THAP12: variants seen among roughly 807,000 people sequenced by gnomAD.
The protein encoded by THAP12 is 52 kDa repressor of the inhibitor of the protein kinase.
In THAP12, 20 loss-of-function variants were observed where a neutral mutation model predicts 63.0. That is an observed-to-expected ratio of 0.32 (90% CI 0.22 to 0.46). THAP12 has a LOEUF of 0.46. Ranked by LOEUF, THAP12 falls within the 20% of genes least tolerant of loss-of-function variation. The probability of loss-of-function intolerance (pLI) is 1.00; values close to 1 mark genes in which losing one functional copy is unlikely to be tolerated. For synonymous variants in THAP12, 264 were observed against 328.4 expected, an observed-to-expected ratio of 0.80 and a Z score of 2.12; for missense variants, 568 against 908.2, an observed-to-expected ratio of 0.63 and a Z score of 4.81.
In THAP12 at chr11:76,350,971, A is replaced by C; in HGVS notation, c.2179T>G (p.Phe727Val). ...AAATCCAGGTCGTGTTTTATATCAA[A>C]ATTTATGTTAAGCAAAGCCAAGTTA... Reference protein sequence around the residue: ...SSNLALLNINFDIKHDLDLMV... With the variant: ...SSNLALLNINVDIKHDLDLMV... The change falls in exon 5 of 5, where the codon TTT becomes GTT. Residue 727 changes from phenylalanine to valine, a missense_variant. Coordinates refer to ENST00000260045, the MANE Select transcript of THAP12 (RefSeq NM_004705.4). 1 of 1,611,508 alleles carries C rather than the reference A, an allele frequency of 6.2e-7. No individual in the cohort carries two copies. Among genetic ancestry groups the C allele is most frequent in the East Asian group, 2.2e-5 (1 of 44,884 alleles).
rs189921609 is a variant in THAP12 at position 76,350,620 on chromosome 11, T to C, written c.*244A>G. On this transcript the variant is annotated 3_prime_UTR_variant, in exon 5 of 5. Coordinates refer to ENST00000260045, the MANE Select transcript of THAP12 (RefSeq NM_004705.4). ...TGACTTAACTGAAACAATTCCAGAG[T>C]GCCATCAACAGAGATCACGCAAAAG... 4.8e-4 allele frequency: 162 copies of C among 335,854 alleles called. 1 individual carries two copies. The highest frequency in any genetic ancestry group is 3.2e-3 in the African/African-American group (151 of 47,226). 20.8% of individuals were successfully genotyped at this position (335,854 alleles called of 1,614,324 possible).
chr11:76,360,923 GA>G (rs1376296352), intron 3 of THAP12, 32 bp downstream of exon 3: 1 of 1,387,190 alleles, frequency 7.2e-7, no homozygotes, highest in Non-Finnish European at 1.0e-6. Context: ...TATTATGGGG[GA>G]AGGTGGGAAA....
At chr11:76,355,590 A>G in intron 4 of THAP12, 28 bp downstream of exon 4, 3 of 1,580,432 alleles carry the variant, frequency 1.9e-6, no homozygotes, top group Non-Finnish European at 2.6e-6. Context: ...AGGCATTCAG[A>G]AGTTGAGTCA....
At chr11:76,379,875 T>A (rs1211228526) in intron 1 of THAP12, among the ~76,000 whole-genome samples, 1 of 152,114 alleles carries the variant, frequency 6.6e-6, no homozygotes, top group African/African-American at 2.4e-5. Flanking sequence ...TTGAACTAAT[T>A]AATAAATAAC....
At chr11:76,367,931 G>A (rs575019831) in intron 1 of THAP12, among the ~76,000 whole-genome samples, 2 of 152,164 alleles carry the variant, frequency 1.3e-5, no homozygotes, top group South Asian at 2.1e-4. Context: ...TCACAGTAAC[G>A]ATGCCTAAGA....
Position 76,368,112 on chromosome 11 carries a change from G to C in THAP12, c.90-2140C>G, listed in dbSNP as rs77121888. ...TAAATCTCTGGAGACCTTCCACACA[G>C]AGCAATACTGTACATATTACCTCCG... On this transcript the variant is annotated intron_variant, in intron 1 of 4. Coordinates refer to ENST00000260045, the MANE Select transcript of THAP12 (RefSeq NM_004705.4). Among the ~76,000 whole-genome samples, 764 of 152,236 alleles carry C rather than the reference G, an allele frequency of 5.0e-3. 15 individuals carry two copies. The highest frequency in any genetic ancestry group is 0.046 in the East Asian group (239 of 5,182).
chr11:76,355,670 AAAAAAG>A lies in THAP12; in HGVS notation c.319-22_319-17del, dbSNP rs776787994. On this transcript the variant is annotated splice_polypyrimidine_tract_variant and intron_variant, in intron 3 of 4. Coordinates refer to ENST00000260045, the MANE Select transcript of THAP12 (RefSeq NM_004705.4). The stretch of plus-strand genomic sequence containing the variant: ...CATCTTCACTCTAAATGTCAAGAAA[AAAAAAG>A]AAAAAAACAAATCATCTTTAAAAAA... 6.4e-7 allele frequency: 1 copy of A among 1,571,442 alleles called. No individual in the cohort carries two copies.
chr11:76,371,768 C>A (rs372049256), intron 1 of THAP12, among the ~76,000 whole-genome samples: 4 of 151,540 alleles, frequency 2.6e-5, no homozygotes, highest in African/African-American at 7.3e-5. Context: ...CCAAATCCAA[C>A]GGTCACTTTC....
At chr11:76,376,617 T>TTTC (rs1946712510) in intron 1 of THAP12, among the ~76,000 whole-genome samples, 1 of 140,522 alleles carries the variant, frequency 7.1e-6, no homozygotes, top group Non-Finnish European at 1.5e-5. Context: ...GTGTCTATGT[T>TTTC]TTTTTTGTTT....
rs1946557228 is a variant in THAP12, at chr11:76,355,760, T to C, written c.319-106A>G. 4.5e-6 allele frequency: 4 copies of C among 898,474 alleles called. No homozygotes were observed. In the South Asian group the frequency reaches 8.4e-5, roughly 19 times the overall value. The allele number at this position is 898,474 out of a possible 1,614,324, so 55.7% of individuals were successfully genotyped here. A position where few individuals can be genotyped will look rare whatever the true frequency, so the allele number is the denominator to read the frequency against. ...TACAAATGCCTATTCTGAGTCAATT[T>C]AATTCTTTCAAGAGCATAAATTCTT... On this transcript the variant is annotated intron_variant, in intron 3 of 4. Coordinates refer to ENST00000260045, the MANE Select transcript of THAP12 (RefSeq NM_004705.4).
In THAP12 at chr11:76,350,150, A is replaced by C. The variant is rs1302852262; in HGVS notation, c.*714T>G. 1.3e-5 allele frequency: 2 copies of C among 152,704 alleles called. No homozygotes were observed. The highest frequency in any genetic ancestry group is 2.9e-5 in the Non-Finnish European group (2 of 68,024). The allele number at this position is 152,704 out of a possible 1,614,324, so 9.5% of individuals were successfully genotyped here. On this transcript the variant is annotated 3_prime_UTR_variant, in exon 5 of 5. Transcript: ENST00000260045. The stretch of plus-strand genomic sequence containing the variant: ...TCATGGAAAAAGACAGAGAAAAAAA[A>C]CAGACAAATCAGTTGTCAGTATCCA...
At chr11:76,353,131 CCCACCTCAGCT>C (rs1454955259) in intron 4 of THAP12, among the ~76,000 whole-genome samples, 4 of 152,088 alleles carry the variant, frequency 2.6e-5, no homozygotes, top group Admixed American at 2.6e-4. Flanking sequence ...AAGTGATCCT[CCCACCTCAGCT>C]CCAAAGTACA....
At position 76,352,469 on chromosome 11, in the gene THAP12, C is replaced by A; in HGVS notation, c.681G>T (p.Thr227=). ...TCTGCTGTGTTTTTGAACAAAACAACGTGTTAACTGCTGTTGTCTCAAACC... is the reference window on the plus strand; with the variant it reads ...TCTGCTGTGTTTTTGAACAAAACAAAGTGTTAACTGCTGTTGTCTCAAACC... ...RKRFETTAVN[T]LFCSKTQQRQ... The change falls in exon 5 of 5, where the codon ACG becomes ACT. Residue 227 remains threonine, a synonymous_variant. Coordinates refer to ENST00000260045, the MANE Select transcript of THAP12 (RefSeq NM_004705.4). 1 of 1,611,986 alleles carries A rather than the reference C, an allele frequency of 6.2e-7. No homozygotes were observed. Among genetic ancestry groups the A allele is most frequent in the Admixed American group, 1.7e-5 (1 of 60,006 alleles).
intron 1 of THAP12, among the ~76,000 whole-genome samples, chr11:76,374,868 T>C (rs930366161): frequency 3.3e-5 from 5 of 152,150 alleles, no homozygotes; most frequent in Non-Finnish European, 7.4e-5. Flanking sequence ...ATCTGGGAGA[T>C]GACTTAGGTC....
In THAP12 at chr11:76,370,560, C is replaced by T. The variant is rs149709068; in HGVS notation, c.90-4588G>A. 1.2e-3 allele frequency among the ~76,000 whole-genome samples: 184 copies of T among 152,170 alleles called. 1 individual carries two copies. Among genetic ancestry groups the T allele is most frequent in the African/African-American group, 4.3e-3 (177 of 41,512 alleles). On this transcript the variant is annotated intron_variant, in intron 1 of 4. Coordinates refer to ENST00000260045, the MANE Select transcript of THAP12 (RefSeq NM_004705.4). ...TGTATTTTTTGTAGAGACGGGGTTT[C>T]ACCATGTTCCCCAGGTTAGTCTGAA...
intron 1 of THAP12, among the ~76,000 whole-genome samples, chr11:76,374,437 C>CT (rs1946695069): frequency 6.6e-6 from 1 of 150,732 alleles, no homozygotes; most frequent in Non-Finnish European, 1.5e-5. Flanking sequence ...CCAGAAAAGT[C>CT]TTTAAGTATT....
intron 1 of THAP12, among the ~76,000 whole-genome samples, chr11:76,375,077 G>A (rs150769585): frequency 6.6e-6 from 1 of 152,170 alleles, no homozygotes; most frequent in African/African-American, 2.4e-5. Context: ...TGTTATAACA[G>A]CCCAAACAGG....
Position 76,361,005 on chromosome 11 carries a change from C to T in THAP12, c.269G>A (p.Ser90Asn), listed in dbSNP as rs1273248219. The change falls in exon 3 of 5, where the codon AGT (serine) becomes AAT (asparagine). Residue 90 changes from serine (S) to asparagine (N), a missense_variant. Ser to Asn is a conservative substitution (Grantham distance 46, BLOSUM62 1). Transcript: ENST00000260045. ...TCTACTATGTGGGTTGTTCAAATGA[C>T]TGGTAAGATCAAATATTGTTGGTAT... ...NAIPTIFDLT[S>N]HLNNPHSRHR... The T allele has an allele frequency of 6.2e-7, 1 of 1,610,974 alleles. No homozygotes were observed. Among genetic ancestry groups the T allele is most frequent in the Admixed American group, 1.7e-5 (1 of 60,006 alleles).
intron 1 of THAP12, among the ~76,000 whole-genome samples, chr11:76,376,615 GT>G (rs375196452): frequency 7.8e-6 from 1 of 127,788 alleles, no homozygotes; most frequent in South Asian, 2.7e-4. Context: ...TTGTGTCTAT[GT>G]TTTTTTTGTT....
Sources: allele counts gnomAD v4.1 joint callset (sites outside exome capture counted in the v4.1 genomes callset), GRCh38; gene constraint gnomAD v4.1.1; transcripts MANE v1.5; gene names NCBI Gene and HGNC (gene_info 2026-07-23, HGNC 2026-07-21).